PPP2R5E: variants seen among roughly 807,000 people sequenced by gnomAD.
PPP2R5E encodes the protein protein phosphatase 2 regulatory subunit B'epsilon.
In PPP2R5E, 4 loss-of-function variants were observed where a neutral mutation model predicts 65.3. That is an observed-to-expected ratio of 0.06 (90% CI 0.03 to 0.14). PPP2R5E has a LOEUF of 0.14. PPP2R5E is among the 10% of genes least tolerant of loss of function. The pLI, the probability that PPP2R5E is intolerant of heterozygous loss-of-function variation, is 1.00. For missense variants in PPP2R5E, 274 were observed against 556.1 expected (o/e 0.49, Z 5.10); for synonymous variants, 183 against 187.4 (o/e 0.98, Z 0.19).
At chr14:63,412,988 C>T (rs763029221) in intron 5 of PPP2R5E, among the ~76,000 whole-genome samples, 1 of 152,054 alleles carries the variant, frequency 6.6e-6, no homozygotes. Context: ...ACAAAGGGTA[C>T]AAGGCATAGA....
rs76852519 is a variant in PPP2R5E at position 63,478,776 on chromosome 14, C to G, written c.158-24891G>C. ...AACCTGGCTCCAATGCTGACTTACC[C>G]TGAGAGGAGATTAAGTCACTTAACT... On this transcript the variant is annotated intron_variant, in intron 2 of 13. Transcript: ENST00000337537. 6.4e-3 allele frequency among the ~76,000 whole-genome samples: 981 copies of G among 152,216 alleles called. 35 individuals are homozygous for G. Among genetic ancestry groups the G allele is most frequent in the East Asian group, 0.05 (259 of 5,184 alleles).
chr14:63,507,250 G>A (rs928323035), intron 2 of PPP2R5E, among the ~76,000 whole-genome samples: 2 of 152,140 alleles, frequency 1.3e-5, no homozygotes, highest in African/African-American at 4.8e-5. Context: ...GGCCTTAAAG[G>A]CCTAGAAGCA....
intron 2 of PPP2R5E, among the ~76,000 whole-genome samples, chr14:63,507,442 C>G (rs1404095277): frequency 6.6e-6 from 1 of 150,692 alleles, no homozygotes; most frequent in Non-Finnish European, 1.5e-5. Flanking sequence ...TCCCTTGGTA[C>G]GATTAACTTT....
At chr14:63,518,768 T>TTCC (rs940316054) in intron 2 of PPP2R5E, among the ~76,000 whole-genome samples, 6 of 152,320 alleles carry the variant, frequency 3.9e-5, no homozygotes, top group Admixed American at 2.6e-4. Flanking sequence ...CAAAGTAATC[T>TTCC]TCCATCATAA....
At chr14:63,407,748 G>A (rs1886172409) in intron 5 of PPP2R5E, among the ~76,000 whole-genome samples, 1 of 152,168 alleles carries the variant, frequency 6.6e-6, no homozygotes, top group Non-Finnish European at 1.5e-5. Flanking sequence ...GTGTTGGGAA[G>A]TAAGGCCTTT....
At chr14:63,405,312 G>C (rs1223951744) in intron 5 of PPP2R5E, among the ~76,000 whole-genome samples, 1 of 152,152 alleles carries the variant, frequency 6.6e-6, no homozygotes, top group Non-Finnish European at 1.5e-5. Flanking sequence ...CTTTGTATTG[G>C]AGCTGAGATT....
chr14:63,458,672 T>C (rs947932877), intron 2 of PPP2R5E, among the ~76,000 whole-genome samples: 9 of 152,156 alleles, frequency 5.9e-5, no homozygotes, highest in Admixed American at 1.3e-4. Flanking sequence ...ACATAAACTA[T>C]TGAAATGTAT....
chr14:63,378,541 T>C (rs1236298552), intron 13 of PPP2R5E, among the ~76,000 whole-genome samples: 2 of 152,212 alleles, frequency 1.3e-5, no homozygotes, highest in African/African-American at 4.8e-5. Context: ...TGTTGGGCTT[T>C]TCCTCCAACT....
At position 63,396,653 on chromosome 14, in the gene PPP2R5E, T is replaced by C; in HGVS notation, c.613A>G (p.Arg205Gly). The C allele has an allele frequency of 6.2e-7, 1 of 1,613,634 alleles. No homozygotes were observed. The highest frequency in any genetic ancestry group is 8.5e-7 in the Non-Finnish European group (1 of 1,179,722). ...AGACCAAGAAACTTGCCATAAATTC[T>C]GTGTAAGACTGTTTTTAAGTAGTCC... ...ERDYLKTVLH[R>G]IYGKFLGLRA... The change falls in exon 6 of 14, where the codon AGA becomes GGA. Residue 205 changes from arginine (R) to glycine (G), a missense_variant. Physicochemically the swap from Arg to Gly is moderately radical, Grantham distance 125. Coordinates refer to ENST00000337537, the MANE Select transcript of PPP2R5E (RefSeq NM_006246.5).
intron 3 of PPP2R5E, chr14:63,452,294 A>C (rs1888889062): frequency 6.6e-6 from 1 of 152,250 alleles, no homozygotes; most frequent in Non-Finnish European, 1.5e-5. Flanking sequence ...CCTCTGCATC[A>C]CATTAAGAGG....
At chr14:63,387,581 C>A (rs770310004) in intron 11 of PPP2R5E, among the ~76,000 whole-genome samples, 4 of 147,832 alleles carry the variant, frequency 2.7e-5, no homozygotes, top group Non-Finnish European at 6.0e-5. Context: ...TGTGGATGAA[C>A]CAGCAAACAT....
At chr14:63,431,650 A>G (rs1887678238) in intron 3 of PPP2R5E, among the ~76,000 whole-genome samples, 1 of 149,592 alleles carries the variant, frequency 6.7e-6, no homozygotes, top group Non-Finnish European at 1.5e-5. Flanking sequence ...ACAAAGCTCT[A>G]TACTTTTGTG....
At chr14:63,478,549 T>C (rs952785039) in intron 2 of PPP2R5E, among the ~76,000 whole-genome samples, 2 of 151,904 alleles carry the variant, frequency 1.3e-5, no homozygotes, top group Non-Finnish European at 2.9e-5. Context: ...TGCTTCAATT[T>C]CCTGCAACAG....
chr14:63,377,081 G>A (rs888844410), intron 13 of PPP2R5E, among the ~76,000 whole-genome samples: 1 of 150,310 alleles, frequency 6.7e-6, no homozygotes, highest in Non-Finnish European at 1.5e-5. Flanking sequence ...TGTGGTGGAC[G>A]GAGATTGCAG....
chr14:63,410,718 T>C (rs773165941), intron 5 of PPP2R5E, among the ~76,000 whole-genome samples: 12 of 152,158 alleles, frequency 7.9e-5, no homozygotes, highest in Non-Finnish European at 1.8e-4. Context: ...GAGCAGGGTA[T>C]TCTGGAAAAT....
chr14:63,484,317 G>A (rs1456962491), intron 2 of PPP2R5E, among the ~76,000 whole-genome samples: 1 of 147,992 alleles, frequency 6.8e-6, no homozygotes, highest in Admixed American at 6.8e-5. Flanking sequence ...GGATATGATC[G>A]ATCTCTTTCT....
At chr14:63,432,494 T>G (rs1887727320) in intron 3 of PPP2R5E, among the ~76,000 whole-genome samples, 1 of 152,114 alleles carries the variant, frequency 6.6e-6, no homozygotes, top group African/African-American at 2.4e-5. Flanking sequence ...TGAATACAGA[T>G]CAAATGTAAA....
At chr14:63,430,373 G>GCATACATACATACATACATACATACATA (rs1402372223) in intron 3 of PPP2R5E, among the ~76,000 whole-genome samples, 29 of 126,530 alleles carry the variant, frequency 2.3e-4, no homozygotes, top group African/African-American at 5.4e-4. Flanking sequence ...ATACATACAT[G>GCATACATACATACATACATACATACATA]CATGCATACA....
At chr14:63,476,660 A>G (rs576273464) in intron 2 of PPP2R5E, among the ~76,000 whole-genome samples, 3 of 152,258 alleles carry the variant, frequency 2.0e-5, no homozygotes, top group South Asian at 2.1e-4. Flanking sequence ...TAGGCATTCA[A>G]TGCCCTACTA....
Sources: gnomAD v4.1 joint callset for allele counts (sites outside exome capture counted in the v4.1 genomes callset) on GRCh38, gnomAD v4.1.1 for gene constraint, MANE v1.5 for transcripts, NCBI Gene and HGNC (gene_info 2026-07-23, HGNC 2026-07-21) for gene names.